Variants in LIG1 observed in about 807,000 individuals in gnomAD.
LIG1 encodes the protein DNA ligase 1, also known as ligase I, DNA, ATP-dependent.
LIG1 carries 70 observed loss-of-function variants against 115.7 expected under a neutral mutation model. The ratio of observed to expected loss-of-function variants is 0.60; its 90% CI spans 0.50 to 0.74. The LOEUF (loss-of-function observed/expected upper bound fraction) is 0.74, where lower values mean the gene tolerates loss of function less well. Among genes scored for constraint, LIG1 ranks in the 30% least tolerant of loss-of-function variants. LIG1 has a pLI of 0.00. For missense variants in LIG1, 1,115 were observed against 1,225.6 expected (o/e 0.91, Z 1.35); for synonymous variants, 487 against 495.3 (o/e 0.98, Z 0.22).
rs274882 is a variant in LIG1 at position 48,122,249 on chromosome 19, G to C, written c.2232+685C>G. The stretch of plus-strand genomic sequence containing the variant: ...CCCTCAACACACCCGTCCTCCACTC[G>C]AGGGGAAACCCCAGGAGCTTCGCAC... On this transcript the variant is annotated intron_variant, in intron 23 of 27. Coordinates refer to ENST00000263274, the MANE Select transcript of LIG1 (RefSeq NM_000234.3). This position sits in a 1 kb window ranked among gnomAD's most constrained non-coding sequence, Gnocchi z 4.3. 2 of 154,976 alleles carry C rather than the reference G, an allele frequency of 1.3e-5. No homozygotes were observed. The highest frequency in any genetic ancestry group is 4.8e-5 in the African/African-American group (2 of 41,418). The allele number at this position is 154,976 out of a possible 1,614,324, so 9.6% of individuals were successfully genotyped here.
At chr19:48,134,207 C>T in intron 16 of LIG1, 141 bp from the exon 17 acceptor site, 1 of 703,134 alleles carries the variant, frequency 1.4e-6, no homozygotes. Flanking sequence ...GCTCCTCTTG[C>T]CACCCTGTCT....
At position 48,153,806 on chromosome 19, in the gene LIG1, C is replaced by T. The variant is rs878900019; in HGVS notation, c.466+66G>A. ...TCTGGGGGCTCACCTTCCTCCTCCT[C>T]CTTCCTCTTGGCTTCACACACACAC... is the stretch of plus-strand genomic sequence containing the variant. On this transcript the variant is annotated intron_variant, in intron 6 of 27. Coordinates refer to ENST00000263274, the MANE Select transcript of LIG1 (RefSeq NM_000234.3). 260 of 271,292 alleles carry T rather than the reference C, an allele frequency of 9.6e-4. 8 individuals are homozygous for T. Among genetic ancestry groups the T allele is most frequent in the East Asian group, 1.4e-3 (9 of 6,416 alleles). The allele number at this position is 271,292 out of a possible 1,614,324, so 16.8% of individuals were successfully genotyped here. A position where few individuals can be genotyped will look rare whatever the true frequency, so the allele number is the denominator to read the frequency against.
chr19:48,121,294 C>G lies in LIG1; in HGVS notation c.2261G>C (p.Gly754Ala). The G allele has an allele frequency of 6.2e-7, 1 of 1,609,708 alleles. No individual in the cohort carries two copies. Reference sequence around the variant, plus strand: ...GATCACCACCAGGTCCAGGGTGTCACCCACGCCATCAAGGTAGTCCTTCTT... The same window carrying G: ...GATCACCACCAGGTCCAGGGTGTCAGCCACGCCATCAAGGTAGTCCTTCTT... ...KLKKDYLDGV[G>A]DTLDLVVIGA... The change falls in exon 24 of 28, where the codon GGT (glycine) becomes GCT (alanine). Residue 754 changes from glycine (G) to alanine (A), a missense_variant. Coordinates refer to ENST00000263274, the MANE Select transcript of LIG1 (RefSeq NM_000234.3).
intron 24 of LIG1, chr19:48,120,122 T>C (rs753490821): frequency 1.6e-5 from 15 of 941,272 alleles, no homozygotes; most frequent in Non-Finnish European, 1.9e-5. Flanking sequence ...AAGTCACTTC[T>C]GTCACTGATC....
At position 48,137,129 on chromosome 19, in the gene LIG1, G is replaced by A; in HGVS notation, c.1255-45C>T. 2 of 1,478,678 alleles carry A rather than the reference G, an allele frequency of 1.4e-6. No homozygotes were observed. Among genetic ancestry groups the A allele is most frequent in the Non-Finnish European group, 1.9e-6 (2 of 1,064,220 alleles). The allele number at this position is 1,478,678 out of a possible 1,614,324, so 91.6% of individuals were successfully genotyped here. ...GCCGTCAGTGCCTGGTGAAGGCAGG[G>A]ACCACACCTCCACCCCACCAGCCGT... On this transcript the variant is annotated intron_variant, in intron 13 of 27. Coordinates refer to ENST00000263274, the MANE Select transcript of LIG1 (RefSeq NM_000234.3). This position sits in a 1 kb window ranked among gnomAD's most constrained non-coding sequence, Gnocchi z 4.3.
chr19:48,129,314 G>A (rs1229758864), intron 19 of LIG1, among the ~76,000 whole-genome samples: 1 of 152,216 alleles, frequency 6.6e-6, no homozygotes, highest in Non-Finnish European at 1.5e-5. Flanking sequence ...CCCTCCCAAA[G>A]TGCTGGGATT....
intron 24 of LIG1, 145 bp from the exon 25 acceptor site, chr19:48,119,335 G>T: frequency 1.4e-6 from 1 of 724,454 alleles, no homozygotes. Flanking sequence ...GTAGGGAGCT[G>T]GGGGTGCGGA....
rs557217209 is a variant in LIG1 at position 48,152,547 on chromosome 19, TG to T, written c.467-1209del. Among the ~76,000 whole-genome samples, 81 of 152,324 alleles carry T rather than the reference TG, an allele frequency of 5.3e-4. 2 individuals carry two copies. In the South Asian group the frequency reaches 0.016, roughly 31 times the overall value. On this transcript the variant is annotated intron_variant, in intron 6 of 27. Coordinates refer to ENST00000263274, the MANE Select transcript of LIG1 (RefSeq NM_000234.3). ...GGTGTAATCTCATGCAGGCCCCAGA[TG>T]ATCAATCGATCAGATCTTTATGGCT...
In LIG1 at chr19:48,115,542, C is replaced by G; in HGVS notation, c.*107G>C. On this transcript the variant is annotated 3_prime_UTR_variant, in exon 28 of 28. Transcript: ENST00000263274. The stretch of plus-strand genomic sequence containing the variant: ...ACACACACACCCCTCCCCTGACTCT[C>G]AAAATCCACAGCCTGCCACAGCAGA... 2 of 850,688 alleles carry G rather than the reference C, an allele frequency of 2.4e-6. No individual in the cohort carries two copies. The highest frequency in any genetic ancestry group is 2.8e-5 in the South Asian group (2 of 70,846). The allele number at this position is 850,688 out of a possible 1,614,324, so 52.7% of individuals were successfully genotyped here.
chr19:48,127,822 C>T (rs933091174), intron 20 of LIG1, 88 bp downstream of exon 20: 2 of 1,079,934 alleles, frequency 1.9e-6, no homozygotes, highest in African/African-American at 3.1e-5. Flanking sequence ...CTCTGCCCTT[C>T]TGGGCACTGG....
At chr19:48,120,876 A>G in intron 24 of LIG1, 1 of 1,125,052 alleles carries the variant, frequency 8.9e-7, no homozygotes, top group Non-Finnish European at 1.1e-6. Context: ...TGCCCCCTCC[A>G]CACTTCTCAT....
At chr19:48,162,820 TCAGA>T (rs2036260487) in intron 2 of LIG1, among the ~76,000 whole-genome samples, 1 of 152,122 alleles carries the variant, frequency 6.6e-6, no homozygotes, top group Non-Finnish European at 1.5e-5. Context: ...AAACTCAGAC[TCAGA>T]CAAAGGAGGC....
intron 9 of LIG1, among the ~76,000 whole-genome samples, chr19:48,144,202 G>A (rs977497131): frequency 6.6e-6 from 1 of 152,158 alleles, no homozygotes; most frequent in African/African-American, 2.4e-5. Flanking sequence ...GAAAACAAAA[G>A]AAAGCCGAGT....
At chr19:48,147,501 T>G (rs1190719173) in intron 9 of LIG1, 1 of 151,256 alleles carries the variant, frequency 6.6e-6, no homozygotes, top group Non-Finnish European at 1.5e-5. Flanking sequence ...TAGGACCCCA[T>G]CTCTACAAAA....
chr19:48,151,525 G>A (rs2035475959), intron 6 of LIG1, 186 bp from the exon 7 acceptor site: 3 of 514,724 alleles, frequency 5.8e-6, no homozygotes, highest in Admixed American at 2.8e-5. Flanking sequence ...TGCCTCCTGG[G>A]TTCATGCGAT....
At chr19:48,135,891 GCCCCCT>G in intron 15 of LIG1, 112 bp from the exon 16 acceptor site, 2 of 928,770 alleles carry the variant, frequency 2.2e-6, no homozygotes, top group Non-Finnish European at 3.4e-6. Context: ...GGCCCAAGAC[GCCCCCT>G]CCCCCCCACC....
chr19:48,138,024 G>A, intron 12 of LIG1: 1 of 431,256 alleles, frequency 2.3e-6, no homozygotes, highest in Non-Finnish European at 4.4e-6. Flanking sequence ...AGGGAAGTGA[G>A]TGTGGACAGA....
chr19:48,154,321 C>A, intron 5 of LIG1: 1 of 338,594 alleles, frequency 3.0e-6, no homozygotes. Flanking sequence ...CCAAGTGTTC[C>A]AGACAGCTTC....
At chr19:48,157,691 C>A (rs1268933154) in intron 4 of LIG1, among the ~76,000 whole-genome samples, 3 of 152,064 alleles carry the variant, frequency 2.0e-5, no homozygotes, top group South Asian at 4.1e-4. Flanking sequence ...ATAACAGGCG[C>A]CCGCCACCAC....
Sources: allele counts gnomAD v4.1 joint callset (sites outside exome capture counted in the v4.1 genomes callset), GRCh38; gene constraint gnomAD v4.1.1; non-coding constraint Gnocchi (gnomAD v3.1); transcripts MANE v1.5; gene names NCBI Gene and HGNC (gene_info 2026-07-23, HGNC 2026-07-21).